Variants in SEMA3E observed in about 807,000 individuals in gnomAD.
SEMA3E encodes semaphorin-3E.
A neutral mutation model predicts 93.6 loss-of-function variants in SEMA3E; 49 were observed. The ratio of observed to expected loss-of-function variants is 0.52; its 90% CI spans 0.42 to 0.66. SEMA3E has a LOEUF of 0.66. Among genes scored for constraint, SEMA3E ranks in the 30% least tolerant of loss-of-function variants. SEMA3E has a pLI of 0.00. For synonymous variants in SEMA3E, 363 were observed against 330.7 expected (o/e 1.10, Z -1.06); for missense variants, 906 against 964.8 (o/e 0.94, Z 0.81).
rs375407690 is a variant in SEMA3E at position 83,580,886 on chromosome 7, T to C, written c.115+67542A>G. Reference sequence around the variant, plus strand: ...CAGTTACCAAAAAATTTATTTAAGATTATCATAGCTATTAATATGTTGAAT... The same window carrying C: ...CAGTTACCAAAAAATTTATTTAAGACTATCATAGCTATTAATATGTTGAAT... On this transcript the variant is annotated intron_variant, in intron 1 of 16. Transcript: ENST00000643230. 7.2e-5 allele frequency among the ~76,000 whole-genome samples: 11 copies of C among 152,092 alleles called. No homozygotes were observed. In the East Asian group the frequency reaches 1.2e-3, roughly 16 times the overall value.
chr7:83,446,168 G>T lies in SEMA3E; in HGVS notation c.456+20314C>A, dbSNP rs74623692. ...GCAGACTTTGGATTTGAAATTTCAT[G>T]TTAGTCCTAAAGCCTGTATTCTTTC... On this transcript the variant is annotated intron_variant, in intron 4 of 16. Coordinates refer to ENST00000643230, the MANE Select transcript of SEMA3E (RefSeq NM_012431.3). Among the ~76,000 whole-genome samples the T allele has an allele frequency of 2.0e-3, 304 of 152,298 alleles. 7 individuals carry two copies. In the East Asian group the frequency reaches 0.052, roughly 26 times the overall value.
intron 1 of SEMA3E, among the ~76,000 whole-genome samples, chr7:83,526,135 C>T (rs1791155027): frequency 6.6e-6 from 1 of 152,032 alleles, no homozygotes; most frequent in Non-Finnish European, 1.5e-5. Context: ...AGCCTATACA[C>T]ATTTCTTCCC....
chr7:83,372,330 CT>C (rs1440387501), intron 16 of SEMA3E: 1 of 397,566 alleles, frequency 2.5e-6, no homozygotes, highest in African/African-American at 2.1e-5. Flanking sequence ...TGAATATGAT[CT>C]TTTGTTGTCT....
At chr7:83,398,586 C>T (rs1702507803) in intron 11 of SEMA3E, among the ~76,000 whole-genome samples, 1 of 152,124 alleles carries the variant, frequency 6.6e-6, no homozygotes, top group African/African-American at 2.4e-5. Context: ...AAAATACAGC[C>T]TGTACCAGAG....
intron 1 of SEMA3E, among the ~76,000 whole-genome samples, chr7:83,499,185 A>G (rs1790549045): frequency 6.6e-6 from 1 of 152,196 alleles, no homozygotes; most frequent in Admixed American, 6.5e-5. Flanking sequence ...CAGCACTGCA[A>G]TGTATATATA....
chr7:83,613,999 G>A (rs1037756398), intron 1 of SEMA3E, among the ~76,000 whole-genome samples: 3 of 152,042 alleles, frequency 2.0e-5, no homozygotes, highest in Non-Finnish European at 4.4e-5. Context: ...TCTCTAATTG[G>A]AGCATCAAGT....
At chr7:83,444,796 G>A (rs1789191122) in intron 4 of SEMA3E, among the ~76,000 whole-genome samples, 1 of 151,174 alleles carries the variant, frequency 6.6e-6, no homozygotes, top group Non-Finnish European at 1.5e-5. Context: ...TCAGCCCCCA[G>A]AGCAGCCGGG....
chr7:83,475,824 T>C (rs895143801), intron 2 of SEMA3E, among the ~76,000 whole-genome samples: 4 of 152,158 alleles, frequency 2.6e-5, no homozygotes, highest in Admixed American at 2.6e-4. Flanking sequence ...AATAATGGCT[T>C]TTCTAGGATT....
At chr7:83,630,894 C>A (rs1793773500) in intron 1 of SEMA3E, among the ~76,000 whole-genome samples, 1 of 152,084 alleles carries the variant, frequency 6.6e-6, no homozygotes, top group Non-Finnish European at 1.5e-5. Flanking sequence ...ATTTTTAACG[C>A]ATAAAGTCTT....
intron 1 of SEMA3E, among the ~76,000 whole-genome samples, chr7:83,639,401 G>T (rs546429529): frequency 1.3e-4 from 19 of 151,808 alleles, no homozygotes; most frequent in Non-Finnish European, 2.1e-4. Flanking sequence ...AATAAAGTTA[G>T]CCTTTATAGT....
At chr7:83,484,647 C>A (rs1401958566) in intron 2 of SEMA3E, among the ~76,000 whole-genome samples, 1 of 152,040 alleles carries the variant, frequency 6.6e-6, no homozygotes, top group Non-Finnish European at 1.5e-5. Context: ...TCTTGACCAC[C>A]CTACTCTCCT....
intron 14 of SEMA3E, among the ~76,000 whole-genome samples, chr7:83,390,004 C>T (rs1787971665): frequency 7.7e-6 from 1 of 129,046 alleles, no homozygotes; most frequent in South Asian, 2.4e-4. Context: ...TATACGTATA[C>T]ACATATATAC....
At chr7:83,528,300 A>G (rs1278656251) in intron 1 of SEMA3E, among the ~76,000 whole-genome samples, 1 of 152,178 alleles carries the variant, frequency 6.6e-6, no homozygotes, top group Non-Finnish European at 1.5e-5. Context: ...ATCAAAAATC[A>G]CAAGTGTAGC....
intron 4 of SEMA3E, among the ~76,000 whole-genome samples, chr7:83,432,080 A>G (rs1412432822): frequency 6.6e-6 from 1 of 151,842 alleles, no homozygotes; most frequent in East Asian, 1.9e-4. Context: ...TTGAATCATC[A>G]CAGCACAATT....
chr7:83,394,186 T>G, intron 13 of SEMA3E, 111 bp downstream of exon 13: 3 of 1,146,354 alleles, frequency 2.6e-6, no homozygotes, highest in Non-Finnish European at 3.7e-6. Flanking sequence ...AAAATAAAAC[T>G]GTAATAAGTT....
At position 83,405,963 on chromosome 7, in the gene SEMA3E, T is replaced by C; in HGVS notation, c.910A>G (p.Thr304Ala). 6.2e-7 allele frequency: 1 copy of C among 1,611,962 alleles called. No individual in the cohort carries two copies. The change falls in exon 8 of 17, where the codon ACA becomes GCA. Residue 304 changes from threonine to alanine, a missense_variant. By Grantham distance (58) the Thr-to-Ala change is moderately conservative. Transcript: ENST00000643230. ...CSVPGMNGID[T>A]YFDELEDVFL... ...CATTTACCTAATTCATCAAAATATG[T>C]GTCAATTCCATTCATTCCTGGTACT... is the stretch of plus-strand genomic sequence containing the variant.
In SEMA3E at chr7:83,595,728, A is replaced by T. The variant is rs114188069; in HGVS notation, c.115+52700T>A. 4.8e-3 allele frequency among the ~76,000 whole-genome samples: 732 copies of T among 152,102 alleles called. 6 individuals are homozygous for T. The highest frequency in any genetic ancestry group is 0.015 in the African/African-American group (625 of 41,524). On this transcript the variant is annotated intron_variant, in intron 1 of 16. Coordinates refer to ENST00000643230, the MANE Select transcript of SEMA3E (RefSeq NM_012431.3). ...TGTTTTCTCATAATTAGATTGATGT[A>T]GTGCATTATTGGGAAGGATACCACA... is the stretch of plus-strand genomic sequence containing the variant.
chr7:83,574,242 C>T (rs1273570693), intron 1 of SEMA3E, among the ~76,000 whole-genome samples: 1 of 151,992 alleles, frequency 6.6e-6, no homozygotes, highest in Non-Finnish European at 1.5e-5. Flanking sequence ...AATTGAAGAA[C>T]AAAGTGATAG....
intron 14 of SEMA3E, among the ~76,000 whole-genome samples, chr7:83,389,728 T>C (rs549390046): frequency 2.0e-5 from 3 of 148,116 alleles, no homozygotes; most frequent in Non-Finnish European, 3.0e-5. Context: ...ATATTACATG[T>C]ATACATATAT....
Sources: allele counts gnomAD v4.1 joint callset (sites outside exome capture counted in the v4.1 genomes callset), GRCh38; gene constraint gnomAD v4.1.1; transcripts MANE v1.5; gene names NCBI Gene and HGNC (gene_info 2026-07-23, HGNC 2026-07-21).